ZFP90: variants seen among roughly 807,000 people sequenced by gnomAD.
ZFP90 encodes the protein ZFP90 zinc finger protein.
ZFP90 carries 38 observed loss-of-function variants against 60.8 expected under a neutral mutation model. The ratio of observed to expected loss-of-function variants is 0.62; its 90% CI spans 0.48 to 0.82. The LOEUF is 0.82. Among genes scored for constraint, ZFP90 ranks in the 40% least tolerant of loss-of-function variants. The pLI, the probability that ZFP90 is intolerant of heterozygous loss-of-function variation, is 0.00. For missense variants in ZFP90, 711 were observed against 759.1 expected, an observed-to-expected ratio of 0.94 and a Z score of 0.74; for synonymous variants, 287 against 264.8, an observed-to-expected ratio of 1.08 and a Z score of -0.82.
Position 68,558,471 on chromosome 16 carries a change from A to T in ZFP90, c.161-2A>T. ...AAATCTTGTGTATTTACCCATGAGC[A>T]GGATATCAAGTTTCCAAGCCAGAGG... On this transcript the variant is annotated splice_acceptor_variant, in intron 3 of 4. Transcript: ENST00000563169. LOFTEE classifies it high-confidence loss of function. 6.2e-7 allele frequency: 1 copy of T among 1,613,722 alleles called. No individual in the cohort carries two copies. Among genetic ancestry groups the T allele is most frequent in the Non-Finnish European group, 8.5e-7 (1 of 1,179,746 alleles).
At chr16:68,552,581 C>T (rs2091280068) in intron 2 of ZFP90, among the ~76,000 whole-genome samples, 1 of 152,058 alleles carries the variant, frequency 6.6e-6, no homozygotes, top group African/African-American at 2.4e-5. Context: ...GTAACGCTTG[C>T]CGAGGTGAAA....
In ZFP90 at chr16:68,565,805, G is replaced by A. The variant is rs1161381475; in HGVS notation, c.*1107G>A. On this transcript the variant is annotated 3_prime_UTR_variant, in exon 5 of 5. Transcript: ENST00000563169. ...AGCAACATGCACTGGCTCATTTTATGTGCAAAGAAAAGATTTCACCATTAA... is the reference window on the plus strand; with the variant it reads ...AGCAACATGCACTGGCTCATTTTATATGCAAAGAAAAGATTTCACCATTAA... 3 of 985,270 alleles carry A rather than the reference G, an allele frequency of 3.0e-6. No homozygotes were observed. In the East Asian group the frequency reaches 3.4e-4, roughly 111 times the overall value. 61.0% of individuals were successfully genotyped at this position (985,270 alleles called of 1,614,324 possible). A position where few individuals can be genotyped will look rare whatever the true frequency, so the allele number is the denominator to read the frequency against.
At chr16:68,567,213 TAAACTCATCACAGCCAG>T (rs2091541586), downstream of ZFP90, 18 of 958,014 alleles carry the variant, frequency 1.9e-5, no homozygotes, top group Non-Finnish European at 2.1e-5. Context: ...AATTAACTGC[TAAACTCATCACAGCCAG>T]GTGAGTTAAT....
Position 68,566,103 on chromosome 16 carries a change from A to G in ZFP90, c.*1405A>G. 1.0e-6 allele frequency: 1 copy of G among 978,498 alleles called. No individual in the cohort carries two copies. Among genetic ancestry groups the G allele is most frequent in the African/African-American group, 1.8e-5 (1 of 55,080 alleles). 60.6% of individuals were successfully genotyped at this position (978,498 alleles called of 1,614,324 possible). On this transcript the variant is annotated 3_prime_UTR_variant, in exon 5 of 5. Transcript: ENST00000563169. ...AGCTGAGATCACACTACTGCATTCCAGCCTGAGCAACAGAGCAAGACACAC... is the reference window on the plus strand; with the variant it reads ...AGCTGAGATCACACTACTGCATTCCGGCCTGAGCAACAGAGCAAGACACAC...
chr16:68,569,806 A>G (rs767112679), downstream of ZFP90, among the ~76,000 whole-genome samples: 2 of 152,178 alleles, frequency 1.3e-5, no homozygotes, highest in Non-Finnish European at 2.9e-5. Flanking sequence ...AAAAGGAATC[A>G]GAAGATAATT....
rs1455381510 is a variant in ZFP90, at chr16:68,539,458, C to T, written c.-57C>T. 2.7e-6 allele frequency: 1 copy of T among 377,106 alleles called. No individual in the cohort carries two copies. Among genetic ancestry groups the T allele is most frequent in the Non-Finnish European group, 4.7e-6 (1 of 210,698 alleles). 23.4% of individuals were successfully genotyped at this position (377,106 alleles called of 1,614,324 possible). A position where few individuals can be genotyped will look rare whatever the true frequency, so the allele number is the denominator to read the frequency against. The stretch of plus-strand genomic sequence containing the variant: ...GGCCGGAGGTCGCGAAATCCGGAGC[C>T]CCCCAGAGGCGGTGATTCTGAGTGC... On this transcript the variant is annotated 5_prime_UTR_variant, in exon 1 of 5. Coordinates refer to ENST00000563169, the MANE Select transcript of ZFP90 (RefSeq NM_001305203.2).
At chr16:68,557,862 A>G (rs2091370618) in intron 2 of ZFP90, 136 bp from the exon 3 acceptor site, 2 of 1,212,498 alleles carry the variant, frequency 1.6e-6, no homozygotes, top group African/African-American at 1.5e-5. Context: ...CAATAAGTTT[A>G]TGTAACCCAA....
At chr16:68,549,219 T>C (rs1232239236) in intron 2 of ZFP90, among the ~76,000 whole-genome samples, 1 of 152,068 alleles carries the variant, frequency 6.6e-6, no homozygotes, top group Non-Finnish European at 1.5e-5. Flanking sequence ...TAGCAGCGAG[T>C]GTTCAAGAAA....
At chr16:68,572,409 T>C (rs113810282) in intron 2 of ZFP90, among the ~76,000 whole-genome samples, 4 of 152,322 alleles carry the variant, frequency 2.6e-5, no homozygotes, top group African/African-American at 7.2e-5. Context: ...ACAGGGACTT[T>C]TCTGTTGGCT....
chr16:68,541,740 C>T (rs937210896), intron 2 of ZFP90, among the ~76,000 whole-genome samples: 13 of 152,134 alleles, frequency 8.5e-5, no homozygotes, highest in Non-Finnish European at 1.8e-4. Context: ...ATCGTTATCC[C>T]CTTTACATGC....
At position 68,565,333 on chromosome 16, in the gene ZFP90, C is replaced by T. The variant is rs967531707; in HGVS notation, c.*635C>T. On this transcript the variant is annotated 3_prime_UTR_variant, in exon 5 of 5. Coordinates refer to ENST00000563169, the MANE Select transcript of ZFP90 (RefSeq NM_001305203.2). ...CCAGTGAAAAGGTTATTTTTGGACT[C>T]AGAGGGCTTTAAAATAAATTTTAAG... The T allele has an allele frequency of 1.9e-5, 19 of 985,416 alleles. No individual in the cohort carries two copies. Among genetic ancestry groups the T allele is most frequent in the Non-Finnish European group, 2.3e-5 (19 of 829,952 alleles). The allele number at this position is 985,416 out of a possible 1,614,324, so 61.0% of individuals were successfully genotyped here.
chr16:68,534,342 C>T (rs1230526890), upstream of ZFP90, among the ~76,000 whole-genome samples: 1 of 150,490 alleles, frequency 6.6e-6, no homozygotes, highest in Non-Finnish European at 1.5e-5. Flanking sequence ...GATTCTCCTG[C>T]CTCAGCCTCC....
At position 68,558,563 on chromosome 16, in the gene ZFP90, A is replaced by G. The variant is rs1268017464; in HGVS notation, c.251A>G (p.Tyr84Cys). The change falls in exon 4 of 5, where the codon TAT becomes TGT. Residue 84 changes from tyrosine to cysteine, a missense_variant. Coordinates refer to ENST00000563169, the MANE Select transcript of ZFP90 (RefSeq NM_001305203.2). ...ISEGEIQRPFYPDWKTRPEVK... is the reference protein window; with the variant it reads ...ISEGEIQRPFCPDWKTRPEVK... ...GAGGGAGAAATCCAACGACCTTTCT[A>G]TCCAGGTAAATGAGTGAGAGTCAGG... is the stretch of plus-strand genomic sequence containing the variant. The G allele has an allele frequency of 6.2e-7, 1 of 1,613,152 alleles. No individual in the cohort carries two copies. Among genetic ancestry groups the G allele is most frequent in the Non-Finnish European group, 8.5e-7 (1 of 1,179,314 alleles).
intron 2 of ZFP90, among the ~76,000 whole-genome samples, chr16:68,540,124 T>C (rs916645431): frequency 6.6e-6 from 1 of 152,046 alleles, no homozygotes; most frequent in Non-Finnish European, 1.5e-5. Flanking sequence ...TTTGAACTCT[T>C]GTCAATAAGA....
At position 68,539,597 on chromosome 16, in the gene ZFP90, C is replaced by T. The variant is rs77908879; in HGVS notation, c.-36+118C>T. 116 of 591,044 alleles carry T rather than the reference C, an allele frequency of 2.0e-4. 1 individual carries two copies. Among genetic ancestry groups the T allele is most frequent in the Non-Finnish European group, 3.7e-5 (13 of 351,502 alleles). The allele number at this position is 591,044 out of a possible 1,614,324, so 36.6% of individuals were successfully genotyped here. A position where few individuals can be genotyped will look rare whatever the true frequency, so the allele number is the denominator to read the frequency against. On this transcript the variant is annotated intron_variant, in intron 1 of 4. Transcript: ENST00000563169. ...GGGGGGTGTCCGGGAGGCCGCTGAGCCTTTCATTTCGGGGATGGGGAGCGG... is the reference window on the plus strand; with the variant it reads ...GGGGGGTGTCCGGGAGGCCGCTGAGTCTTTCATTTCGGGGATGGGGAGCGG...
At chr16:68,538,749 A>G (rs529122258), upstream of ZFP90, among the ~76,000 whole-genome samples, 130 of 152,022 alleles carry the variant, frequency 8.6e-4, no homozygotes, top group Non-Finnish European at 1.5e-3. Flanking sequence ...GCTTGTCCCA[A>G]ACAAAATCCT....
downstream of ZFP90, among the ~76,000 whole-genome samples, chr16:68,570,162 T>A (rs2091560504): frequency 6.6e-6 from 1 of 152,152 alleles, no homozygotes; most frequent in Non-Finnish European, 1.5e-5. Context: ...CATCTCTAAT[T>A]CCTCTTCTTC....
At chr16:68,545,135 G>T (rs1094281) in intron 2 of ZFP90, among the ~76,000 whole-genome samples, 123,198 of 151,616 alleles carry the variant, frequency 0.81, 50,318 homozygotes, top group African/African-American at 0.9. Flanking sequence ...CGCCTCGGCC[G>T]CCCAAAGTGC....
At chr16:68,570,862 G>A (rs2091564285), downstream of ZFP90, among the ~76,000 whole-genome samples, 1 of 151,940 alleles carries the variant, frequency 6.6e-6, no homozygotes, top group South Asian at 2.1e-4. Flanking sequence ...CTTCTCCCAA[G>A]TTATCTTTCC....
Sources: gnomAD v4.1 joint callset for allele counts (sites outside exome capture counted in the v4.1 genomes callset) on GRCh38, gnomAD v4.1.1 for gene constraint, MANE v1.5 for transcripts, NCBI Gene and HGNC (gene_info 2026-07-23, HGNC 2026-07-21) for gene names.